ALG6: variants seen among roughly 807,000 people sequenced by gnomAD.
ALG6 encodes the protein ALG6 alpha-1,3-glucosyltransferase.
ALG6 carries 46 observed loss-of-function variants against 66.6 expected under a neutral mutation model. The observed-to-expected ratio is 0.69, with a 90% CI of 0.55 to 0.88. ALG6 has a LOEUF of 0.88. ALG6 is among the 40% of genes least tolerant of loss of function. ALG6 has a pLI of 0.00. For missense variants in ALG6, 505 were observed against 586.8 expected (o/e 0.86, Z 1.44); for synonymous variants, 185 against 203.7 (o/e 0.91, Z 0.78).
chr1:63,372,361 A>G (rs1647956553), intron 2 of ALG6, among the ~76,000 whole-genome samples: 1 of 152,192 alleles, frequency 6.6e-6, no homozygotes, highest in South Asian at 2.1e-4. Context: ...ATATATACAC[A>G]GACACATATA....
intron 2 of ALG6, among the ~76,000 whole-genome samples, chr1:63,385,166 T>G (rs1029498804): frequency 1.3e-4 from 19 of 150,320 alleles, no homozygotes; most frequent in Non-Finnish European, 2.7e-4. Context: ...AGTTTTTTAT[T>G]AAGATCTTTT....
At chr1:63,401,978 AT>A (rs1644467300) in intron 3 of ALG6, among the ~76,000 whole-genome samples, 1 of 152,094 alleles carries the variant, frequency 6.6e-6, no homozygotes, top group Non-Finnish European at 1.5e-5. Flanking sequence ...TGTTGGTTGA[AT>A]TGGTTACAAA....
chr1:63,367,665 C>CCCAGCGG lies in ALG6; in HGVS notation c.-227_-221dup, dbSNP rs1188582471. Reference sequence around the variant, plus strand: ...CCTGGGACCCACGGCAGGCGCGAATCCCAGCGGCCGGCGGGCGGCGGGGTA... The same window carrying CCCAGCGG: ...CCTGGGACCCACGGCAGGCGCGAATCCCAGCGGCCAGCGGCCGGCGGGCGGCGGGGTA... On this transcript the variant is annotated 5_prime_UTR_variant, in exon 1 of 15. The change abolishes the stop of an existing upstream ORF in the 5' untranslated region. Transcript: ENST00000263440. 1 of 152,332 alleles carries CCCAGCGG rather than the reference C, an allele frequency of 6.6e-6. No homozygotes were observed. The highest frequency in any genetic ancestry group is 1.5e-5 in the Non-Finnish European group (1 of 68,118). 9.4% of individuals were successfully genotyped at this position (152,332 alleles called of 1,614,324 possible).
chr1:63,407,108 T>C lies in ALG6; in HGVS notation c.476T>C (p.Ile159Thr), dbSNP rs1037253381. 2 of 1,608,058 alleles carry C rather than the reference T, an allele frequency of 1.2e-6. No homozygotes were observed. Among genetic ancestry groups the C allele is most frequent in the South Asian group, 1.1e-5 (1 of 90,958 alleles). The part of the protein sequence containing the change: ...CILLYPGLIL[I>T]DYGHFQYNSV... ...TTGCTGTATCCAGGCCTTATTCTTATAGACTATGGACATTTTCAGTATCCT... is the reference window on the plus strand; with the variant it reads ...TTGCTGTATCCAGGCCTTATTCTTACAGACTATGGACATTTTCAGTATCCT... Residue 159 changes from isoleucine to threonine, a missense_variant, in exon 7 of 15, where the codon ATA (isoleucine) becomes ACA (threonine). Transcript: ENST00000263440.
chr1:63,393,289 A>G (rs1648725114), intron 2 of ALG6, among the ~76,000 whole-genome samples: 1 of 152,212 alleles, frequency 6.6e-6, no homozygotes. Context: ...CTTTTCTTAA[A>G]AAAATTTTTA....
intron 5 of ALG6, 46 bp from the exon 6 acceptor site, chr1:63,406,270 TA>T (rs768503867): frequency 6.5e-7 from 1 of 1,544,692 alleles, no homozygotes; most frequent in Non-Finnish European, 8.9e-7. Context: ...TGGGTAGCTG[TA>T]AATCCTGATG....
intron 5 of ALG6, among the ~76,000 whole-genome samples, chr1:63,405,167 A>G (rs574498069): frequency 8.3e-4 from 126 of 152,178 alleles, no homozygotes; most frequent in African/African-American, 3.0e-3. Flanking sequence ...TCTCCTTACA[A>G]TTCATCCAGT....
At chr1:63,407,384 G>A (rs1644494032) in intron 7 of ALG6, among the ~76,000 whole-genome samples, 1 of 152,040 alleles carries the variant, frequency 6.6e-6, no homozygotes, top group African/African-American at 2.4e-5. Context: ...TTTCTGGGGT[G>A]TTGGAAAAAG....
chr1:63,376,014 T>C (rs891446424), intron 2 of ALG6, among the ~76,000 whole-genome samples: 1 of 151,036 alleles, frequency 6.6e-6, no homozygotes, highest in Non-Finnish European at 1.5e-5. Context: ...TTATTAGGGG[T>C]TTATTAATTT....
rs550776894 is a variant in ALG6 at position 63,427,713 on chromosome 1, A to G, written c.1059-1020A>G. On this transcript the variant is annotated intron_variant, in intron 12 of 14. Transcript: ENST00000263440. ...TGCTCCTTCTTTGAGCATTGCCACA[A>G]TTGAATCCCAAAGGTACTGGAGCAG... 4.6e-5 allele frequency among the ~76,000 whole-genome samples: 7 copies of G among 151,770 alleles called. No individual in the cohort carries two copies. The South Asian group carries it at 1.2e-3, about 27-fold the overall frequency.
chr1:63,409,073 C>T (rs895690267), intron 7 of ALG6, among the ~76,000 whole-genome samples: 9 of 152,214 alleles, frequency 5.9e-5, no homozygotes, highest in Non-Finnish European at 1.3e-4. Context: ...AGCCACTGTG[C>T]CTAGCTCTAA....
rs867727876 is a variant in ALG6 at position 63,430,677 on chromosome 1, G to C, written c.1326+1551G>C. 4.7e-4 allele frequency among the ~76,000 whole-genome samples: 71 copies of C among 152,156 alleles called. 1 individual carries two copies. Among genetic ancestry groups the C allele is most frequent in the African/African-American group, 1.6e-3 (67 of 41,532 alleles). On this transcript the variant is annotated intron_variant, in intron 14 of 14. Transcript: ENST00000263440. Reference sequence around the variant, plus strand: ...TGAACATCTTTTCATGTGCTTATCGGCCATTTGTATATCTTCTTTGGAGAA... The same window carrying C: ...TGAACATCTTTTCATGTGCTTATCGCCCATTTGTATATCTTCTTTGGAGAA...
chr1:63,376,268 T>C (rs1463666422), intron 2 of ALG6, among the ~76,000 whole-genome samples: 1 of 152,218 alleles, frequency 6.6e-6, no homozygotes, highest in Non-Finnish European at 1.5e-5. Context: ...TTTAAACATA[T>C]CTAAACATAG....
chr1:63,387,582 C>G (rs1176898176), intron 2 of ALG6, among the ~76,000 whole-genome samples: 1 of 106,570 alleles, frequency 9.4e-6, no homozygotes, highest in Non-Finnish European at 1.7e-5. Flanking sequence ...TGCTCTGTTG[C>G]CCAGGCTGGA....
At chr1:63,409,934 GGTAAAT>G (rs1644508150) in intron 7 of ALG6, among the ~76,000 whole-genome samples, 2 of 152,108 alleles carry the variant, frequency 1.3e-5, no homozygotes, top group Non-Finnish European at 2.9e-5. Context: ...GTTGCCTTGG[GGTAAAT>G]GTTTGGCTGC....
chr1:63,389,830 A>G (rs4515822), intron 2 of ALG6, among the ~76,000 whole-genome samples: 6,099 of 152,298 alleles, frequency 0.04, 395 homozygotes, highest in African/African-American at 0.14. Flanking sequence ...TTGCAGGCTC[A>G]TAGAGGTACC....
chr1:63,425,565 G>C (rs547735202), intron 12 of ALG6, among the ~76,000 whole-genome samples: 6 of 152,332 alleles, frequency 3.9e-5, no homozygotes, highest in African/African-American at 1.4e-4. Flanking sequence ...TTTCTAAGGA[G>C]AGACAGAGTG....
chr1:63,382,954 G>C (rs1229153628), intron 2 of ALG6, among the ~76,000 whole-genome samples: 1 of 152,072 alleles, frequency 6.6e-6, no homozygotes, highest in Non-Finnish European at 1.5e-5. Context: ...GGGATTACAG[G>C]CGTGAGCCAC....
rs1001921351 is a variant in ALG6 at position 63,368,283 on chromosome 1, G to A, written c.-208+596G>A. 6.6e-5 allele frequency among the ~76,000 whole-genome samples: 10 copies of A among 152,068 alleles called. No individual in the cohort carries two copies. In the South Asian group the frequency reaches 1.0e-3, roughly 16 times the overall value. On this transcript the variant is annotated intron_variant, in intron 1 of 14. Transcript: ENST00000263440. ...GCAGAAGAGAGTCGTTAAAAGCCTC[G>A]CATAATATCTTTAACCACACAGGGC...
Sources: gnomAD v4.1 joint callset for allele counts (sites outside exome capture counted in the v4.1 genomes callset) on GRCh38, gnomAD v4.1.1 for gene constraint, MANE v1.5 for transcripts, NCBI Gene and HGNC (gene_info 2026-07-23, HGNC 2026-07-21) for gene names.